The following NBEA variants were observed in gnomAD, a reference collection of about 807,000 sequenced individuals.
NBEA encodes the protein neurobeachin.
In NBEA, 44 loss-of-function variants were observed where a neutral mutation model predicts 343.4. The observed-to-expected ratio is 0.13, with a 90% CI of 0.10 to 0.16. NBEA has a LOEUF of 0.16. Among genes scored for constraint, NBEA ranks in the 10% least tolerant of loss-of-function variants. NBEA has a pLI of 1.00. For synonymous variants in NBEA, 1,175 were observed against 1,238.7 expected (o/e 0.95, Z 1.08); for missense variants, 2,555 against 3,631.3 (o/e 0.70, Z 7.62).
At chr13:35,473,645 G>T (rs193301988) in intron 41 of NBEA, among the ~76,000 whole-genome samples, 135 of 152,174 alleles carry the variant, frequency 8.9e-4, no homozygotes, top group African/African-American at 3.2e-3. Flanking sequence ...TGAATGCACT[G>T]TATTTTATTT....
chr13:35,611,287 A>G (rs2082510166), intron 48 of NBEA, among the ~76,000 whole-genome samples: 1 of 152,174 alleles, frequency 6.6e-6, no homozygotes, highest in Non-Finnish European at 1.5e-5. Flanking sequence ...AATATTTCTC[A>G]CCTGGTAAAG....
chr13:35,292,722 C>T (rs1406067401), intron 35 of NBEA, among the ~76,000 whole-genome samples: 3 of 151,906 alleles, frequency 2.0e-5, no homozygotes, highest in Admixed American at 6.6e-5. Flanking sequence ...TCTTGATATA[C>T]TATGTGTATA....
intron 1 of NBEA, among the ~76,000 whole-genome samples, chr13:34,957,680 C>G (rs2059540110): frequency 6.6e-6 from 1 of 152,046 alleles, no homozygotes; most frequent in African/African-American, 2.4e-5. Context: ...GAGAGCATGA[C>G]CAATATCTAT....
intron 1 of NBEA, among the ~76,000 whole-genome samples, chr13:34,983,821 T>G (rs2060447929): frequency 6.6e-6 from 1 of 152,220 alleles, no homozygotes; most frequent in South Asian, 2.1e-4. Context: ...AAATGTCTTC[T>G]TTTGAGAAGT....
At chr13:35,240,346 C>T (rs536801012) in intron 34 of NBEA, among the ~76,000 whole-genome samples, 2 of 151,928 alleles carry the variant, frequency 1.3e-5, no homozygotes, top group South Asian at 2.1e-4. Flanking sequence ...GTTAGATTAT[C>T]GTTTAGCACC....
chr13:35,445,456 T>C (rs561211531), intron 39 of NBEA, among the ~76,000 whole-genome samples: 1 of 152,048 alleles, frequency 6.6e-6, no homozygotes, highest in Non-Finnish European at 1.5e-5. Context: ...TCTACAAATT[T>C]GGAAACTGAA....
At chr13:35,567,503 A>G (rs369792074) in intron 45 of NBEA, among the ~76,000 whole-genome samples, 1 of 152,202 alleles carries the variant, frequency 6.6e-6, no homozygotes, top group African/African-American at 2.4e-5. Context: ...GCATAACGGT[A>G]ATGAGAAATA....
intron 34 of NBEA, among the ~76,000 whole-genome samples, chr13:35,237,488 TG>T (rs2075292256): frequency 6.6e-6 from 1 of 152,230 alleles, no homozygotes; most frequent in South Asian, 2.1e-4. Context: ...TAATTTGATA[TG>T]CTTTTCCTTT....
At chr13:35,477,302 T>C (rs2075916946) in intron 41 of NBEA, 1 of 161,184 alleles carries the variant, frequency 6.2e-6, no homozygotes, top group South Asian at 2.1e-4. Flanking sequence ...TTTTTTTCTT[T>C]TCTCCATTTG....
At chr13:34,987,247 T>C (rs1216781954) in intron 1 of NBEA, among the ~76,000 whole-genome samples, 2 of 150,998 alleles carry the variant, frequency 1.3e-5, no homozygotes, top group Admixed American at 1.3e-4. Context: ...TATTTCTCCT[T>C]CACTTATGAA....
chr13:35,532,093 A>G (rs1430271947), intron 41 of NBEA, among the ~76,000 whole-genome samples: 1 of 152,190 alleles, frequency 6.6e-6, no homozygotes, highest in Non-Finnish European at 1.5e-5. Context: ...CAGCTATTAT[A>G]TATTAAACTT....
At chr13:35,386,754 C>A (rs117104547) in intron 38 of NBEA, among the ~76,000 whole-genome samples, 3 of 152,048 alleles carry the variant, frequency 2.0e-5, no homozygotes, top group Non-Finnish European at 4.4e-5. Flanking sequence ...ATTTTCTAAA[C>A]CTCTGTTTAA....
chr13:35,106,211 G>A (rs529184752), intron 11 of NBEA, among the ~76,000 whole-genome samples: 1 of 151,802 alleles, frequency 6.6e-6, no homozygotes, highest in South Asian at 2.1e-4. Context: ...CCATCTAAAG[G>A]TTACAGATTT....
chr13:35,602,629 G>A (rs1306511142), intron 47 of NBEA, among the ~76,000 whole-genome samples: 1 of 152,142 alleles, frequency 6.6e-6, no homozygotes, highest in Non-Finnish European at 1.5e-5. Flanking sequence ...CAAACATCAA[G>A]CCTCTAACAG....
chr13:35,627,737 T>C (rs1393276970), intron 48 of NBEA, among the ~76,000 whole-genome samples: 1 of 152,136 alleles, frequency 6.6e-6, no homozygotes, highest in East Asian at 1.9e-4. Context: ...TTAAAAAAGG[T>C]AATTTAAATT....
rs560898748 is a variant in NBEA, at chr13:34,953,755, C to G, written c.294+10641C>G. On this transcript the variant is annotated intron_variant, in intron 1 of 58. Coordinates refer to ENST00000379939, the MANE Select transcript of NBEA (RefSeq NM_001385012.1). ...GACTTTTTAATCTTGTCATTATTCT[C>G]TAAACCAGGGGTTCCCAACCCCTGG... Among the ~76,000 whole-genome samples, 3 of 152,296 alleles carry G rather than the reference C, an allele frequency of 2.0e-5. No homozygotes were observed. In the East Asian group the frequency reaches 5.8e-4, roughly 29 times the overall value.
rs2069451202 is a variant in NBEA at position 35,160,083 on chromosome 13, T to A, written c.3861+51T>A. On this transcript the variant is annotated intron_variant, in intron 22 of 58. Coordinates refer to ENST00000379939, the MANE Select transcript of NBEA (RefSeq NM_001385012.1). Reference sequence around the variant, plus strand: ...AAATAAATAAAAATGCATTGAAGAGTTGTTAGCACCAAAACAGAGTAATTT... The same window carrying A: ...AAATAAATAAAAATGCATTGAAGAGATGTTAGCACCAAAACAGAGTAATTT... 2.8e-6 allele frequency: 4 copies of A among 1,425,500 alleles called. No homozygotes were observed. The African/African-American group carries it at 4.3e-5, about 15-fold the overall frequency. 88.3% of individuals were successfully genotyped at this position (1,425,500 alleles called of 1,614,324 possible).
intron 8 of NBEA, among the ~76,000 whole-genome samples, chr13:35,066,103 G>T (rs1404908146): frequency 6.6e-6 from 1 of 152,024 alleles, no homozygotes; most frequent in African/African-American, 2.4e-5. Context: ...TGGGACTATA[G>T]GCACAAGCCA....
chr13:35,302,670 A>G (rs1359390366), intron 35 of NBEA, among the ~76,000 whole-genome samples: 2 of 152,200 alleles, frequency 1.3e-5, no homozygotes, highest in African/African-American at 4.8e-5. Context: ...CAGGAAATAT[A>G]AAATTTAAAC....
Sources: gnomAD v4.1 joint callset for allele counts (sites outside exome capture counted in the v4.1 genomes callset) on GRCh38, gnomAD v4.1.1 for gene constraint, MANE v1.5 for transcripts, NCBI Gene and HGNC (gene_info 2026-07-23, HGNC 2026-07-21) for gene names.